CX3CR1: variants seen among roughly 807,000 people sequenced by gnomAD.
CX3CR1 encodes C-X3-C motif chemokine receptor 1.
For synonymous variants in CX3CR1, 168 were observed against 178.5 expected, an observed-to-expected ratio of 0.94 and a Z score of 0.47; for missense variants, 363 against 432.4, an observed-to-expected ratio of 0.84 and a Z score of 1.42.
upstream of CX3CR1, among the ~76,000 whole-genome samples, chr3:39,283,779 C>CA (rs58482042): frequency 0.011 from 462 of 40,974 alleles, 3 homozygotes; most frequent in Middle Eastern, 0.017. Flanking sequence ...GACTCCATCT[C>CA]AAAAAAAAAA....
chr3:39,269,335 G>T (rs971107012), intron 1 of CX3CR1, among the ~76,000 whole-genome samples: 4 of 152,202 alleles, frequency 2.6e-5, no homozygotes, highest in Admixed American at 2.6e-4. Flanking sequence ...TGGGTGCTTG[G>T]GCTCAGGGCT....
At chr3:39,282,482 A>G (rs745576727), upstream of CX3CR1, among the ~76,000 whole-genome samples, 1 of 152,164 alleles carries the variant, frequency 6.6e-6, no homozygotes, top group Non-Finnish European at 1.5e-5. Context: ...TGCAGAGGAC[A>G]GTTTGGTTTC....
At chr3:39,280,592 C>G (rs1370762087), upstream of CX3CR1, among the ~76,000 whole-genome samples, 3 of 152,356 alleles carry the variant, frequency 2.0e-5, no homozygotes, top group South Asian at 4.1e-4. Flanking sequence ...CTAGTGAGTA[C>G]CTTGCACCTT....
At chr3:39,276,140 G>A (rs2040838044) in intron 1 of CX3CR1, among the ~76,000 whole-genome samples, 1 of 152,196 alleles carries the variant, frequency 6.6e-6, no homozygotes, top group South Asian at 2.1e-4. Context: ...GAGCCCACAT[G>A]CTCCCAGAGT....
rs753299596 is a variant in CX3CR1 at position 39,266,363 on chromosome 3, A to T, written c.147T>A (p.Asn49Lys). 1 of 1,614,158 alleles carries T rather than the reference A, an allele frequency of 6.2e-7. No individual in the cohort carries two copies. The highest frequency in any genetic ancestry group is 8.5e-7 in the Non-Finnish European group (1 of 1,180,038). Reference protein sequence around the residue: ...SVIFAIGLVGNLLVVFALTNS... With the variant: ...SVIFAIGLVGKLLVVFALTNS... Reference sequence around the variant, plus strand: ...TGGTGAGGGCAAACACTACCAACAAATTTCCCACCAGGCCAATGGCAAAGA... The same window carrying T: ...TGGTGAGGGCAAACACTACCAACAATTTTCCCACCAGGCCAATGGCAAAGA... Residue 49 changes from asparagine to lysine, a missense_variant, in exon 2 of 2, where the codon AAT becomes AAA. Physicochemically the swap from Asn to Lys is moderately conservative, Grantham distance 94. Coordinates refer to ENST00000399220, the MANE Select transcript of CX3CR1 (RefSeq NM_001337.4).
At chr3:39,288,828 C>T in the CX3CR1 span, among the ~76,000 whole-genome samples, 84 of 152,294 alleles carry the variant, frequency 5.5e-4, 1 homozygote, top group East Asian at 0.015. Flanking sequence ...AGCTGTGTGG[C>T]TTAGGGCGAG....
Position 39,265,364 on chromosome 3 carries a change from C to CA in CX3CR1, c.*77dup. 2 of 1,453,960 alleles carry CA rather than the reference C, an allele frequency of 1.4e-6. No homozygotes were observed. The highest frequency in any genetic ancestry group is 1.9e-6 in the Non-Finnish European group (2 of 1,079,884). 90.1% of individuals were successfully genotyped at this position (1,453,960 alleles called of 1,614,324 possible). Reference sequence around the variant, plus strand: ...ATTTTGTGCCTGTAAGAAATAACAACAAAAATCTTTCCTCACTAGTCAGCA... The same window carrying CA: ...ATTTTGTGCCTGTAAGAAATAACAACAAAAAATCTTTCCTCACTAGTCAGCA... On this transcript the variant is annotated 3_prime_UTR_variant, in exon 2 of 2. Transcript: ENST00000399220.
At chr3:39,274,185 G>A (rs1485777474) in intron 1 of CX3CR1, among the ~76,000 whole-genome samples, 1 of 152,134 alleles carries the variant, frequency 6.6e-6, no homozygotes, top group Non-Finnish European at 1.5e-5. Context: ...ACCCCTGACT[G>A]TTTGGGAAGC....
intron 1 of CX3CR1, among the ~76,000 whole-genome samples, chr3:39,276,139 T>C (rs543562134): frequency 3.9e-4 from 60 of 152,244 alleles, no homozygotes; most frequent in Admixed American, 7.2e-4. Context: ...GGAGCCCACA[T>C]GCTCCCAGAG....
the CX3CR1 span, chr3:39,287,988 A>ATGTGTGTG: frequency 4.7e-5 from 7 of 149,400 alleles, no homozygotes; most frequent in African/African-American, 1.5e-4. Flanking sequence ...AGATGATTTA[A>ATGTGTGTG]TGTGTGTGTG....
At chr3:39,284,413 T>C (rs2040930692), upstream of CX3CR1, among the ~76,000 whole-genome samples, 1 of 152,144 alleles carries the variant, frequency 6.6e-6, no homozygotes, top group Non-Finnish European at 1.5e-5. Context: ...CTGCCCACCT[T>C]GGCCTCCCAA....
At chr3:39,290,934 AAAC>A in the CX3CR1 span, among the ~76,000 whole-genome samples, 1 of 152,070 alleles carries the variant, frequency 6.6e-6, no homozygotes, top group Non-Finnish European at 1.5e-5. Flanking sequence ...ACAAATAAAT[AAAC>A]AACAACAAAA....
the CX3CR1 span, among the ~76,000 whole-genome samples, chr3:39,289,083 G>T: frequency 6.6e-6 from 1 of 152,164 alleles, no homozygotes; most frequent in South Asian, 2.1e-4. Flanking sequence ...GAACCCGGGA[G>T]GTGGAGGTTG....
At chr3:39,268,211 G>A (rs958631932) in intron 1 of CX3CR1, among the ~76,000 whole-genome samples, 1 of 152,182 alleles carries the variant, frequency 6.6e-6, no homozygotes, top group Non-Finnish European at 1.5e-5. Flanking sequence ...AGTGGGCCGG[G>A]GCTTTACAAC....
chr3:39,274,601 A>G (rs1476359320), intron 1 of CX3CR1, among the ~76,000 whole-genome samples: 1 of 151,974 alleles, frequency 6.6e-6, no homozygotes, highest in Non-Finnish European at 1.5e-5. Flanking sequence ...TTCCTCTTCA[A>G]AATACTTTAT....
At chr3:39,291,427 T>C in the CX3CR1 span, among the ~76,000 whole-genome samples, 1 of 151,794 alleles carries the variant, frequency 6.6e-6, no homozygotes, top group South Asian at 2.1e-4. Context: ...TGACCATACA[T>C]GTGACCATAC....
At chr3:39,284,876 G>A (rs552632117), upstream of CX3CR1, among the ~76,000 whole-genome samples, 11 of 152,234 alleles carry the variant, frequency 7.2e-5, no homozygotes, top group South Asian at 2.1e-4. Context: ...AAGGGATCTC[G>A]CTACAGGAAA....
At chr3:39,285,204 T>C (rs1240525860), upstream of CX3CR1, among the ~76,000 whole-genome samples, 4 of 116,550 alleles carry the variant, frequency 3.4e-5, no homozygotes, top group Non-Finnish European at 7.0e-5. Flanking sequence ...GGAGACCTCA[T>C]TGGTACAGAA....
chr3:39,291,062 C>CTT, the CX3CR1 span, among the ~76,000 whole-genome samples: 2 of 145,364 alleles, frequency 1.4e-5, no homozygotes, highest in African/African-American at 2.5e-5. Context: ...CTTTTCTTTT[C>CTT]TTTTTTTTTT....
Sources: gnomAD v4.1 joint callset for allele counts (sites outside exome capture counted in the v4.1 genomes callset) on GRCh38, gnomAD v4.1.1 for gene constraint, MANE v1.5 for transcripts, NCBI Gene and HGNC (gene_info 2026-07-23, HGNC 2026-07-21) for gene names.